CCSER1: variants seen among roughly 807,000 people sequenced by gnomAD.
The protein encoded by CCSER1 is serine-rich coiled-coil domain-containing protein 1.
A neutral mutation model predicts 82.0 loss-of-function variants in CCSER1; 41 were observed. The ratio of observed to expected loss-of-function variants is 0.50; its 90% confidence interval spans 0.39 to 0.65. The LOEUF (loss-of-function observed/expected upper bound fraction) is 0.65. Among genes scored for constraint, CCSER1 ranks in the 30% least tolerant of loss-of-function variants. CCSER1 has a pLI of 0.00. For missense variants in CCSER1, 1,119 were observed against 1,064.2 expected (o/e 1.05, Z -0.72); for synonymous variants, 414 against 383.9 (o/e 1.08, Z -0.92).
intron 10 of CCSER1, among the ~76,000 whole-genome samples, chr4:91,166,511 T>C (rs1055535314): frequency 6.6e-6 from 1 of 152,200 alleles, no homozygotes. Flanking sequence ...AATGACACCG[T>C]CTAAGCATCT....
At chr4:91,284,391 T>TA (rs1185389561) in intron 10 of CCSER1, among the ~76,000 whole-genome samples, 1 of 152,084 alleles carries the variant, frequency 6.6e-6, no homozygotes, top group African/African-American at 2.4e-5. Flanking sequence ...AAATTGAAAT[T>TA]AATCTATAAA....
chr4:91,433,096 T>G (rs1754424945), intron 10 of CCSER1, among the ~76,000 whole-genome samples: 1 of 152,186 alleles, frequency 6.6e-6, no homozygotes. Flanking sequence ...TACTCTTTAT[T>G]ATATTGATTA....
intron 10 of CCSER1, among the ~76,000 whole-genome samples, chr4:91,211,542 T>A (rs1000388602): frequency 1.3e-5 from 2 of 152,130 alleles, no homozygotes; most frequent in Non-Finnish European, 2.9e-5. Context: ...GTTATAGGAC[T>A]ATGTCTTTTA....
intron 1 of CCSER1, among the ~76,000 whole-genome samples, chr4:90,205,711 T>G (rs1422892045): frequency 1.3e-5 from 2 of 152,216 alleles, no homozygotes; most frequent in African/African-American, 4.8e-5. Flanking sequence ...ACTGGCTTCA[T>G]AAAACAAGTT....
chr4:90,896,021 A>G (rs555340785), intron 8 of CCSER1, among the ~76,000 whole-genome samples: 2 of 152,090 alleles, frequency 1.3e-5, no homozygotes, highest in South Asian at 4.1e-4. Flanking sequence ...AGGAAAAAAT[A>G]TGAAGGGCTA....
At chr4:90,634,068 A>AAAAAATTT in intron 6 of CCSER1, among the ~76,000 whole-genome samples, 1 of 151,730 alleles carries the variant, frequency 6.6e-6, no homozygotes, top group Non-Finnish European at 1.5e-5. Context: ...AAAAAATTTT[A>AAAAAATTT]TGATCTATAA....
intron 3 of CCSER1, among the ~76,000 whole-genome samples, chr4:90,324,992 G>A (rs59361225): frequency 0.089 from 13,535 of 152,060 alleles, 1,025 homozygotes; most frequent in East Asian, 0.32. Flanking sequence ...TATACGTGGC[G>A]TTATTTCTGA....
chr4:91,159,686 A>T (rs1434994024), intron 10 of CCSER1, among the ~76,000 whole-genome samples: 1 of 151,948 alleles, frequency 6.6e-6, no homozygotes, highest in Non-Finnish European at 1.5e-5. Flanking sequence ...AATTATTTTT[A>T]AAAATTAGAA....
At chr4:90,824,112 C>G (rs1430301737) in intron 8 of CCSER1, among the ~76,000 whole-genome samples, 1 of 151,812 alleles carries the variant, frequency 6.6e-6, no homozygotes, top group Non-Finnish European at 1.5e-5. Flanking sequence ...AATATGAACT[C>G]AAGAAAGCCA....
intron 5 of CCSER1, among the ~76,000 whole-genome samples, chr4:90,482,496 C>T (rs1766196467): frequency 1.3e-5 from 2 of 152,306 alleles, no homozygotes; most frequent in South Asian, 4.1e-4. Context: ...CCTGCTTTCT[C>T]TTGTGGGCAT....
At chr4:91,343,669 C>A (rs12186166) in intron 10 of CCSER1, among the ~76,000 whole-genome samples, 64,466 of 151,792 alleles carry the variant, frequency 0.42, 14,076 homozygotes, top group East Asian at 0.75. Flanking sequence ...AATTTTTAAT[C>A]AAATTTTAGC....
chr4:90,745,979 C>T (rs1377779801), intron 7 of CCSER1, among the ~76,000 whole-genome samples: 1 of 152,002 alleles, frequency 6.6e-6, no homozygotes, highest in African/African-American at 2.4e-5. Context: ...GGGTTACAGG[C>T]GTGAGCCACC....
chr4:91,321,537 T>A (rs1746193842), intron 10 of CCSER1, among the ~76,000 whole-genome samples: 1 of 152,148 alleles, frequency 6.6e-6, no homozygotes, highest in Admixed American at 6.6e-5. Flanking sequence ...TTATTTGTAG[T>A]TATGCTATTC....
At chr4:91,547,227 G>A (rs907894629) in intron 10 of CCSER1, among the ~76,000 whole-genome samples, 2 of 152,000 alleles carry the variant, frequency 1.3e-5, no homozygotes, top group African/African-American at 4.8e-5. Flanking sequence ...ATTGACTGGT[G>A]ATGCTACTAA....
intron 5 of CCSER1, among the ~76,000 whole-genome samples, chr4:90,555,650 C>A (rs1159494636): frequency 6.6e-6 from 1 of 151,974 alleles, no homozygotes; most frequent in South Asian, 2.1e-4. Flanking sequence ...AATGATGTGC[C>A]TTTATTATTG....
At chr4:90,418,174 A>T (rs902259273) in intron 4 of CCSER1, among the ~76,000 whole-genome samples, 1 of 152,046 alleles carries the variant, frequency 6.6e-6, no homozygotes, top group Admixed American at 6.6e-5. Flanking sequence ...CATAAATTTG[A>T]TGGAGAAACA....
At chr4:90,316,370 T>C (rs999377686) in intron 3 of CCSER1, among the ~76,000 whole-genome samples, 1 of 152,198 alleles carries the variant, frequency 6.6e-6, no homozygotes, top group Non-Finnish European at 1.5e-5. Context: ...TTTGGTGTAA[T>C]GAAATTAAAA....
At chr4:90,266,561 A>G (rs891264000) in intron 1 of CCSER1, among the ~76,000 whole-genome samples, 3 of 152,132 alleles carry the variant, frequency 2.0e-5, no homozygotes, top group African/African-American at 7.2e-5. Flanking sequence ...TAAAAGAGGC[A>G]CTGAAGATGG....
chr4:91,400,842 C>T (rs1269406535), intron 10 of CCSER1, among the ~76,000 whole-genome samples: 1 of 151,670 alleles, frequency 6.6e-6, no homozygotes, highest in African/African-American at 2.4e-5. Context: ...TTTTATCCCC[C>T]TGAATTGGTC....
Sources: gnomAD v4.1 joint callset for allele counts (sites outside exome capture counted in the v4.1 genomes callset) on GRCh38, gnomAD v4.1.1 for gene constraint, MANE v1.5 for transcripts, NCBI Gene and HGNC (gene_info 2026-07-23, HGNC 2026-07-21) for gene names.